CTNNA2: variants seen among roughly 807,000 people sequenced by gnomAD.
CTNNA2 encodes catenin alpha 2.
A neutral mutation model predicts 101.0 loss-of-function variants in CTNNA2; 42 were observed. The ratio of observed to expected loss-of-function variants is 0.42; its 90% CI spans 0.32 to 0.54. The LOEUF (loss-of-function observed/expected upper bound fraction) is 0.54, where lower values mean the gene tolerates loss of function less well. Among genes scored for constraint, CTNNA2 ranks in the 20% least tolerant of loss-of-function variants. The pLI is 0.14. For missense variants in CTNNA2, 871 were observed against 1,223.1 expected (o/e 0.71, Z 4.29); for synonymous variants, 450 against 456.4 (o/e 0.99, Z 0.18).
intron 2 of CTNNA2, among the ~76,000 whole-genome samples, chr2:79,662,694 C>G (rs1351678811): frequency 6.6e-6 from 1 of 152,094 alleles, no homozygotes; most frequent in Non-Finnish European, 1.5e-5. Flanking sequence ...AACACACTGG[C>G]TTATATGTTT....
chr2:80,204,457 A>G (rs1239183855), intron 7 of CTNNA2, among the ~76,000 whole-genome samples: 1 of 152,212 alleles, frequency 6.6e-6, no homozygotes, highest in Non-Finnish European at 1.5e-5. Context: ...ACAAATCTCT[A>G]GAGCAGAGGC....
At chr2:79,689,834 A>T (rs1684172719) in intron 2 of CTNNA2, among the ~76,000 whole-genome samples, 1 of 152,032 alleles carries the variant, frequency 6.6e-6, no homozygotes, top group Non-Finnish European at 1.5e-5. Flanking sequence ...CAATGATTTG[A>T]ATCATAGTTT....
chr2:79,675,270 A>G (rs1338782293), intron 2 of CTNNA2, among the ~76,000 whole-genome samples: 3 of 152,258 alleles, frequency 2.0e-5, no homozygotes, highest in East Asian at 3.8e-4. Flanking sequence ...TTGGAGGTAT[A>G]TAATTGGTAT....
intron 12 of CTNNA2, among the ~76,000 whole-genome samples, chr2:80,558,106 A>G (rs1342364052): frequency 6.6e-6 from 1 of 152,160 alleles, no homozygotes; most frequent in Non-Finnish European, 1.5e-5. Flanking sequence ...CCAGGCAGAG[A>G]CTGAAATAGA....
intron 4 of CTNNA2, among the ~76,000 whole-genome samples, chr2:79,377,914 C>G (rs1386593983): frequency 6.6e-5 from 10 of 152,178 alleles, no homozygotes; most frequent in Non-Finnish European, 1.5e-4. Context: ...AGTTTCTTGA[C>G]TCTGCCAGCT....
chr2:80,155,560 T>G (rs1703958510), intron 7 of CTNNA2, among the ~76,000 whole-genome samples: 1 of 152,316 alleles, frequency 6.6e-6, no homozygotes. Context: ...TCTTCTTTTC[T>G]TTTTTAATGC....
intron 7 of CTNNA2, among the ~76,000 whole-genome samples, chr2:80,234,489 G>T (rs1573470691): frequency 6.6e-6 from 1 of 152,222 alleles, no homozygotes; most frequent in African/African-American, 2.4e-5. Flanking sequence ...ATCTTCCTTT[G>T]GGAAGGGTTC....
At chr2:80,138,743 G>A (rs1248504321) in intron 7 of CTNNA2, among the ~76,000 whole-genome samples, 1 of 152,072 alleles carries the variant, frequency 6.6e-6, no homozygotes. Context: ...TAAAAATGAG[G>A]TGAATAAATG....
At chr2:79,584,802 G>C (rs1013151883) in intron 1 of CTNNA2, among the ~76,000 whole-genome samples, 1 of 152,196 alleles carries the variant, frequency 6.6e-6, no homozygotes, top group Non-Finnish European at 1.5e-5. Context: ...TTACAGGCGT[G>C]AGCCACCGCA....
At chr2:80,223,856 C>A (rs1193190924) in intron 7 of CTNNA2, among the ~76,000 whole-genome samples, 2 of 152,174 alleles carry the variant, frequency 1.3e-5, no homozygotes, top group Non-Finnish European at 2.9e-5. Context: ...TTATCCCAGC[C>A]TCCTTGGTGT....
intron 14 of CTNNA2, among the ~76,000 whole-genome samples, chr2:80,584,213 C>T (rs1695778699): frequency 6.6e-6 from 1 of 152,086 alleles, no homozygotes; most frequent in Non-Finnish European, 1.5e-5. Flanking sequence ...GCAGCAAGTC[C>T]TCCCATGTTA....
At chr2:80,494,164 A>G (rs1462592908) in intron 9 of CTNNA2, among the ~76,000 whole-genome samples, 1 of 152,244 alleles carries the variant, frequency 6.6e-6, no homozygotes, top group Non-Finnish European at 1.5e-5. Flanking sequence ...GAAATTATTG[A>G]GAGAAAAATG....
At chr2:80,298,700 TG>T (rs1675978121) in intron 7 of CTNNA2, 1 of 152,230 alleles carries the variant, frequency 6.6e-6, no homozygotes, top group Non-Finnish European at 1.5e-5. Context: ...GAGAAAAGGT[TG>T]GGGGCTCTTC....
chr2:79,406,872 T>C (rs1573150787), intron 4 of CTNNA2, among the ~76,000 whole-genome samples: 1 of 151,948 alleles, frequency 6.6e-6, no homozygotes, highest in East Asian at 1.9e-4. Flanking sequence ...GCAGTAAATT[T>C]TTCCAATGTT....
chr2:80,126,634 CCCTTCCTT>C (rs1178536900), intron 7 of CTNNA2, among the ~76,000 whole-genome samples: 511 of 26,078 alleles, frequency 0.02, 12 homozygotes, highest in African/African-American at 0.031. Context: ...CTCCCTCCCT[CCCTTCCTT>C]CCTTCCTTCC....
intron 7 of CTNNA2, among the ~76,000 whole-genome samples, chr2:80,239,332 A>C (rs1468270272): frequency 6.6e-6 from 1 of 152,164 alleles, no homozygotes; most frequent in East Asian, 1.9e-4. Flanking sequence ...GGTGATTGTC[A>C]GAAAGTCATT....
At chr2:80,004,724 A>T (rs1693212115) in intron 7 of CTNNA2, among the ~76,000 whole-genome samples, 1 of 149,634 alleles carries the variant, frequency 6.7e-6, no homozygotes, top group Non-Finnish European at 1.5e-5. Flanking sequence ...TCCATCCGAG[A>T]TGGAGTCTTG....
intron 1 of CTNNA2, among the ~76,000 whole-genome samples, chr2:79,569,678 T>G (rs1675341208): frequency 6.6e-6 from 1 of 152,200 alleles, no homozygotes; most frequent in Non-Finnish European, 1.5e-5. Context: ...GTATTTGCAC[T>G]GGAAACTCTA....
At chr2:80,357,458 T>C (rs146959001) in intron 7 of CTNNA2, among the ~76,000 whole-genome samples, 278 of 152,168 alleles carry the variant, frequency 1.8e-3, no homozygotes, top group Non-Finnish European at 3.4e-3. Context: ...GTCTTTTCGA[T>C]ATCCTCATCT....
Sources: allele counts gnomAD v4.1 joint callset (sites outside exome capture counted in the v4.1 genomes callset), GRCh38; gene constraint gnomAD v4.1.1; transcripts MANE v1.5; gene names NCBI Gene and HGNC (gene_info 2026-07-23, HGNC 2026-07-21).